Variants in ERC1 observed in about 807,000 individuals in gnomAD.
ERC1 encodes the protein ELKS/RAB6-interacting/CAST family member 1.
In ERC1, 56 loss-of-function variants were observed where a neutral mutation model predicts 132.0. The ratio of observed to expected loss-of-function variants is 0.42; its 90% CI spans 0.34 to 0.53. ERC1 has a LOEUF of 0.53. Among genes scored for constraint, ERC1 ranks in the 20% least tolerant of loss-of-function variants. The probability of loss-of-function intolerance (pLI) is 0.03; values close to 1 mark genes in which losing one functional copy is unlikely to be tolerated. For missense variants in ERC1, 1,202 were observed against 1,349.9 expected, an observed-to-expected ratio of 0.89 and a Z score of 1.72; for synonymous variants, 478 against 476.1, an observed-to-expected ratio of 1.00 and a Z score of -0.05.
At chr12:1,349,017 A>G (rs970560596) in intron 15 of ERC1, among the ~76,000 whole-genome samples, 5 of 152,036 alleles carry the variant, frequency 3.3e-5, no homozygotes, top group African/African-American at 9.7e-5. Flanking sequence ...TAGACTTCAT[A>G]TTTTCTCCTG....
At chr12:1,023,662 A>T (rs1219785427) in intron 1 of ERC1, among the ~76,000 whole-genome samples, 1 of 152,170 alleles carries the variant, frequency 6.6e-6, no homozygotes, top group Non-Finnish European at 1.5e-5. Context: ...TTTCTTAAGG[A>T]TGATATTGTA....
intron 3 of ERC1, among the ~76,000 whole-genome samples, chr12:1,092,886 A>G (rs1369166595): frequency 6.6e-6 from 1 of 152,174 alleles, no homozygotes; most frequent in African/African-American, 2.4e-5. Flanking sequence ...GCTTCAACCC[A>G]GGAGGCGGAG....
chr12:1,092,845 C>T (rs977770489), intron 3 of ERC1, among the ~76,000 whole-genome samples: 3 of 152,204 alleles, frequency 2.0e-5, no homozygotes, highest in Admixed American at 2.0e-4. Flanking sequence ...CCTGTAATCC[C>T]AGCTCTTTGT....
chr12:1,065,734 T>C (rs1042761739), intron 2 of ERC1, among the ~76,000 whole-genome samples: 2 of 152,246 alleles, frequency 1.3e-5, no homozygotes, highest in East Asian at 3.9e-4. Context: ...TCCAATTTTA[T>C]GGAGCAGCTT....
intron 8 of ERC1, among the ~76,000 whole-genome samples, chr12:1,174,585 G>T (rs1953476901): frequency 6.6e-6 from 1 of 152,174 alleles, no homozygotes; most frequent in African/African-American, 2.4e-5. Context: ...AAGTGAAATT[G>T]TTAACATTTT....
At chr12:1,230,181 T>A (rs2074921395) in intron 12 of ERC1, among the ~76,000 whole-genome samples, 1 of 152,022 alleles carries the variant, frequency 6.6e-6, no homozygotes, top group South Asian at 2.1e-4. Context: ...TAATTCTTAA[T>A]ACAGATGGGG....
intron 1 of ERC1, among the ~76,000 whole-genome samples, chr12:1,017,890 A>C (rs898807801): frequency 3.9e-5 from 6 of 152,184 alleles, no homozygotes; most frequent in African/African-American, 1.4e-4. Flanking sequence ...TCTGACATAG[A>C]GTTTAATAGA....
chr12:997,005 A>G (rs1358169373), intron 1 of ERC1, among the ~76,000 whole-genome samples: 1 of 152,152 alleles, frequency 6.6e-6, no homozygotes, highest in African/African-American at 2.4e-5. Context: ...TGCAACCTTG[A>G]ATTCCTGGGC....
At chr12:1,298,660 CAAAT>C (rs942886838) in intron 15 of ERC1, among the ~76,000 whole-genome samples, 2 of 148,346 alleles carry the variant, frequency 1.3e-5, no homozygotes, top group South Asian at 2.1e-4. Flanking sequence ...AAAGGAACAA[CAAAT>C]AAAGAACAGA....
intron 18 of ERC1, among the ~76,000 whole-genome samples, chr12:1,468,504 A>T (rs2154426517): frequency 6.6e-6 from 1 of 152,306 alleles, no homozygotes; most frequent in East Asian, 1.9e-4. Context: ...TGGAAGGCTG[A>T]GGCAGGAGAA....
chr12:1,386,411 G>T (rs1193858898), intron 16 of ERC1, among the ~76,000 whole-genome samples: 1 of 150,492 alleles, frequency 6.6e-6, no homozygotes, highest in Non-Finnish European at 1.5e-5. Flanking sequence ...ACTTTGGGAC[G>T]CCAAGGCAGG....
At chr12:1,041,301 G>A (rs898255079) in intron 2 of ERC1, among the ~76,000 whole-genome samples, 3 of 151,382 alleles carry the variant, frequency 2.0e-5, no homozygotes, top group African/African-American at 7.3e-5. Flanking sequence ...TCCGCCTCCC[G>A]GGTTCAAGTG....
At chr12:1,385,993 C>A (rs1316054209) in intron 16 of ERC1, 1 of 147,246 alleles carries the variant, frequency 6.8e-6, no homozygotes, top group Non-Finnish European at 1.5e-5. Flanking sequence ...TGTCAGAGAT[C>A]ATTTCCTCTG....
At chr12:1,325,212 C>T (rs2082365280) in intron 15 of ERC1, among the ~76,000 whole-genome samples, 1 of 152,128 alleles carries the variant, frequency 6.6e-6, no homozygotes, top group South Asian at 2.1e-4. Context: ...CCATGTTTCC[C>T]TCTGTCTTTA....
intron 8 of ERC1, among the ~76,000 whole-genome samples, chr12:1,146,349 G>A (rs1254003875): frequency 1.3e-5 from 1 of 78,912 alleles, no homozygotes; most frequent in Non-Finnish European, 2.4e-5. Flanking sequence ...TATTGTAAAA[G>A]GGGTTGAGTT....
chr12:1,027,965 C>T lies in ERC1; in HGVS notation c.62C>T (p.Ser21Leu). 1.2e-6 allele frequency: 2 copies of T among 1,614,074 alleles called. No individual in the cohort carries two copies. The highest frequency in any genetic ancestry group is 1.7e-6 in the Non-Finnish European group (2 of 1,179,964). Residue 21 changes from serine (S) to leucine (L), a missense_variant, in exon 2 of 19, where the codon TCA (serine) becomes TTA (leucine). Physicochemically the swap from Ser to Leu is moderately radical, Grantham distance 145. Transcript: ENST00000360905. ...VEPSSQSPGR[S>L]PRLPRSPRLG... ...CCGAGCAGCCAGAGCCCTGGGCGTTCACCCAGGCTTCCACGTTCCCCTCGC... is the reference window on the plus strand; with the variant it reads ...CCGAGCAGCCAGAGCCCTGGGCGTTTACCCAGGCTTCCACGTTCCCCTCGC...
chr12:1,207,642 G>T (rs1299916818), intron 12 of ERC1, among the ~76,000 whole-genome samples: 1 of 152,154 alleles, frequency 6.6e-6, no homozygotes, highest in African/African-American at 2.4e-5. Flanking sequence ...ATACGTGAAT[G>T]CAGACTTGTG....
intron 12 of ERC1, among the ~76,000 whole-genome samples, chr12:1,207,367 C>T (rs1424090542): frequency 6.6e-6 from 1 of 152,058 alleles, no homozygotes; most frequent in African/African-American, 2.4e-5. Flanking sequence ...AATCTATTTA[C>T]AAGGAGTTTG....
intron 2 of ERC1, among the ~76,000 whole-genome samples, chr12:1,039,342 A>C (rs1969743363): frequency 6.7e-6 from 1 of 148,726 alleles, no homozygotes; most frequent in African/African-American, 2.5e-5. Flanking sequence ...TGTCTCAAAA[A>C]AAAAAAAAAA....
Sources: gnomAD v4.1 joint callset for allele counts (sites outside exome capture counted in the v4.1 genomes callset) on GRCh38, gnomAD v4.1.1 for gene constraint, MANE v1.5 for transcripts, NCBI Gene and HGNC (gene_info 2026-07-23, HGNC 2026-07-21) for gene names.